The following C11orf58 variants were observed in gnomAD, a reference collection of about 807,000 sequenced individuals.
The protein encoded by C11orf58 is small acidic protein.
Under a neutral mutation model 22.7 loss-of-function variants are expected in C11orf58, and 5 were observed. The observed-to-expected ratio is 0.22, with a 90% CI of 0.12 to 0.46. The LOEUF (loss-of-function observed/expected upper bound fraction) is 0.46, where lower values mean the gene tolerates loss of function less well. Ranked by LOEUF, C11orf58 falls within the 20% of genes least tolerant of loss-of-function variation. The pLI, the probability that C11orf58 is intolerant of heterozygous loss-of-function variation, is 0.99. For synonymous variants in C11orf58, 71 were observed against 70.7 expected (o/e 1.00, Z -0.02); for missense variants, 151 against 223.3 (o/e 0.68, Z 2.06).
intron 2 of C11orf58, 116 bp from the exon 3 acceptor site, chr11:16,747,981 A>T: frequency 1.3e-6 from 1 of 771,038 alleles, no homozygotes; most frequent in Non-Finnish European, 2.2e-6. Flanking sequence ...ATTCTAATTT[A>T]ATCTTTTGTC....
intron 1 of C11orf58, among the ~76,000 whole-genome samples, chr11:16,739,095 G>T (rs1368994256): frequency 6.6e-6 from 1 of 152,120 alleles, no homozygotes; most frequent in Admixed American, 6.5e-5. Context: ...GAGGGTCGAG[G>T]AGTGAAAGAG....
At chr11:16,751,632 G>A (rs1305329287) in intron 3 of C11orf58, 1 of 152,220 alleles carries the variant, frequency 6.6e-6, no homozygotes, top group African/African-American at 2.4e-5. Context: ...GGGGCCACAA[G>A]TGAACATTGG....
chr11:16,740,750 A>G (rs569533845), intron 1 of C11orf58, among the ~76,000 whole-genome samples: 1 of 150,746 alleles, frequency 6.6e-6, no homozygotes, highest in Admixed American at 6.6e-5. Context: ...TTTTTTAACC[A>G]TAAGTAATGC....
intron 3 of C11orf58, chr11:16,751,688 C>T (rs1371237752): frequency 6.6e-6 from 1 of 152,170 alleles, no homozygotes; most frequent in Non-Finnish European, 1.5e-5. Flanking sequence ...TTAAAAGAGA[C>T]TGAGCCAGGA....
chr11:16,748,088 T>C lies in C11orf58; in HGVS notation c.148-9T>C, dbSNP rs1848501917. 1.2e-6 allele frequency: 2 copies of C among 1,608,266 alleles called. No individual in the cohort carries two copies. Among genetic ancestry groups the C allele is most frequent in the African/African-American group, 2.7e-5 (2 of 74,784 alleles). Reference sequence around the variant, plus strand: ...CTCAAATGCTAATACATTTTCAACCTTCTTATAGAAAGAACATACTGGTCG... The same window carrying C: ...CTCAAATGCTAATACATTTTCAACCCTCTTATAGAAAGAACATACTGGTCG... On this transcript the variant is annotated splice_polypyrimidine_tract_variant and intron_variant, in intron 2 of 4. Coordinates refer to ENST00000228136, the MANE Select transcript of C11orf58 (RefSeq NM_014267.6).
intron 1 of C11orf58, among the ~76,000 whole-genome samples, chr11:16,742,981 T>C (rs1350893984): frequency 1.4e-4 from 21 of 152,128 alleles, no homozygotes; most frequent in Admixed American, 1.4e-3. Context: ...CTGCATTTGG[T>C]TGAAAAAAAT....
At chr11:16,754,785 C>T in intron 4 of C11orf58, 86 bp from the exon 5 acceptor site, 1 of 1,556,562 alleles carries the variant, frequency 6.4e-7, no homozygotes, top group Non-Finnish European at 8.7e-7. Flanking sequence ...TAGAGTGTTT[C>T]TAAGACCGAC....
chr11:16,751,199 G>A (rs1848529854), intron 3 of C11orf58: 1 of 152,054 alleles, frequency 6.6e-6, no homozygotes, highest in Admixed American at 6.6e-5. Context: ...ACAGAATTGG[G>A]TCACAAAATT....
intron 1 of C11orf58, among the ~76,000 whole-genome samples, chr11:16,743,090 GTAAT>G (rs1391656955): frequency 6.6e-6 from 1 of 152,102 alleles, no homozygotes; most frequent in Non-Finnish European, 1.5e-5. Flanking sequence ...TTACAATTTT[GTAAT>G]TGTCATCCTT....
At chr11:16,753,488 G>A (rs1564885183) in intron 4 of C11orf58, among the ~76,000 whole-genome samples, 2 of 151,816 alleles carry the variant, frequency 1.3e-5, no homozygotes, top group Non-Finnish European at 2.9e-5. Context: ...TCAGCCTCCC[G>A]AGTAGCTGGG....
At chr11:16,748,215 G>A in intron 3 of C11orf58, 58 bp downstream of exon 3, 3 of 1,372,012 alleles carry the variant, frequency 2.2e-6, no homozygotes, top group Non-Finnish European at 1.0e-6. Flanking sequence ...TGAAGTATGT[G>A]TTCATGTTTC....
At chr11:16,743,059 G>A (rs1012198696) in intron 1 of C11orf58, among the ~76,000 whole-genome samples, 2 of 152,082 alleles carry the variant, frequency 1.3e-5, no homozygotes, top group African/African-American at 4.8e-5. Flanking sequence ...CAATACTTGA[G>A]GAATTTTTGA....
intron 2 of C11orf58, 109 bp downstream of exon 2, chr11:16,744,793 G>A: frequency 9.8e-7 from 1 of 1,017,256 alleles, no homozygotes; most frequent in African/African-American, 1.6e-5. Flanking sequence ...TTCCTGTTCT[G>A]TGTGATTTCT....
rs572356131 is a variant in C11orf58 at position 16,740,254 on chromosome 11, G to A, written c.63+1413G>A. ...CCTGTTTGGAAATATCTTTTAGCGT[G>A]ACAGAAAACTCCAGGTGATATGAAA... On this transcript the variant is annotated intron_variant, in intron 1 of 4. Transcript: ENST00000228136. Among the ~76,000 whole-genome samples, 207 of 152,312 alleles carry A rather than the reference G, an allele frequency of 1.4e-3. 1 individual carries two copies. The highest frequency in any genetic ancestry group is 4.9e-3 in the African/African-American group (205 of 41,572).
chr11:16,744,582 C>T lies in C11orf58; in HGVS notation c.64-19C>T. On this transcript the variant is annotated intron_variant, in intron 1 of 4. Transcript: ENST00000228136. ...TATTTTTATGCAAAAAAAATTTAAT[C>T]AACCAATTTTTTTTCTAGCTGGGAT... 6.2e-7 allele frequency: 1 copy of T among 1,607,660 alleles called. No homozygotes were observed. Among genetic ancestry groups the T allele is most frequent in the Non-Finnish European group, 8.5e-7 (1 of 1,176,144 alleles).
chr11:16,744,479 A>C (rs1416949997), intron 1 of C11orf58, 122 bp from the exon 2 acceptor site: 4 of 705,930 alleles, frequency 5.7e-6, no homozygotes, highest in Non-Finnish European at 7.2e-6. Context: ...AGCAAGAAAA[A>C]TGAACGCTGT....
rs1403249879 is a variant in C11orf58, at chr11:16,757,380, A to G, written c.*2276A>G. On this transcript the variant is annotated 3_prime_UTR_variant, in exon 5 of 5. Transcript: ENST00000228136. ...GAGCAACTTGTTTTAAAATAACTAC[A>G]CTAAAAGACTTTCTTCATCTCCGTA... 1.3e-5 allele frequency among the ~76,000 whole-genome samples: 2 copies of G among 152,202 alleles called. No homozygotes were observed. Among genetic ancestry groups the G allele is most frequent in the African/African-American group, 4.8e-5 (2 of 41,448 alleles).
At position 16,748,071 on chromosome 11, in the gene C11orf58, C is replaced by T. The variant is rs199843068; in HGVS notation, c.148-26C>T. The stretch of plus-strand genomic sequence containing the variant: ...AAGGTTAAATTAGTGGTCTCAAATG[C>T]TAATACATTTTCAACCTTCTTATAG... On this transcript the variant is annotated intron_variant, in intron 2 of 4. Coordinates refer to ENST00000228136, the MANE Select transcript of C11orf58 (RefSeq NM_014267.6). The T allele has an allele frequency of 7.2e-4, 1,132 of 1,576,086 alleles. 1 individual carries two copies. The highest frequency in any genetic ancestry group is 9.2e-4 in the Non-Finnish European group (1,053 of 1,146,102).
At position 16,755,274 on chromosome 11, in the gene C11orf58, T is replaced by A; in HGVS notation, c.*170T>A. 1.4e-6 allele frequency: 1 copy of A among 711,738 alleles called. No homozygotes were observed. The allele number at this position is 711,738 out of a possible 1,614,324, so 44.1% of individuals were successfully genotyped here. A position where few individuals can be genotyped will look rare whatever the true frequency, so the allele number is the denominator to read the frequency against. Reference sequence around the variant, plus strand: ...GCCATGGGTTACACTTTTATGGGCATGACTATAACCATTTTTGTAAAGAGT... The same window carrying A: ...GCCATGGGTTACACTTTTATGGGCAAGACTATAACCATTTTTGTAAAGAGT... On this transcript the variant is annotated 3_prime_UTR_variant, in exon 5 of 5. Transcript: ENST00000228136.
Sources: allele counts gnomAD v4.1 joint callset (sites outside exome capture counted in the v4.1 genomes callset), GRCh38; gene constraint gnomAD v4.1.1; transcripts MANE v1.5; gene names NCBI Gene and HGNC (gene_info 2026-07-23, HGNC 2026-07-21).